Variants in MAML3 observed in about 807,000 individuals in gnomAD.
MAML3 encodes mastermind like transcriptional coactivator 3.
A neutral mutation model predicts 101.9 loss-of-function variants in MAML3; 27 were observed. That is an observed-to-expected ratio of 0.27 (90% CI 0.20 to 0.37). The LOEUF (loss-of-function observed/expected upper bound fraction) is 0.37. Among genes scored for constraint, MAML3 ranks in the 10% least tolerant of loss-of-function variants. The probability of loss-of-function intolerance (pLI) is 1.00; values close to 1 mark genes in which losing one functional copy is unlikely to be tolerated. For missense variants in MAML3, 1,316 were observed against 1,444.9 expected (o/e 0.91, Z 1.45); for synonymous variants, 501 against 555.9 (o/e 0.90, Z 1.39).
chr4:139,934,454 C>A (rs1733466913), intron 1 of MAML3, among the ~76,000 whole-genome samples: 3 of 152,082 alleles, frequency 2.0e-5, no homozygotes, highest in Admixed American at 2.0e-4. Flanking sequence ...GTGCAAAAAA[C>A]AACCCTGACC....
intron 1 of MAML3, among the ~76,000 whole-genome samples, chr4:140,091,537 C>CAAAAAAA (rs570700966): frequency 0.011 from 762 of 70,544 alleles, 27 homozygotes; most frequent in East Asian, 0.019. Context: ...AACAACAAAA[C>CAAAAAAA]AAAAACAAAA....
chr4:139,852,746 T>A (rs1397827955), intron 2 of MAML3, among the ~76,000 whole-genome samples: 1 of 152,170 alleles, frequency 6.6e-6, no homozygotes, highest in East Asian at 1.9e-4. Context: ...CATGGTACTT[T>A]CTATGTTTCT....
intron 1 of MAML3, among the ~76,000 whole-genome samples, chr4:139,925,970 GC>G (rs930461006): frequency 2.0e-5 from 3 of 152,100 alleles, no homozygotes; most frequent in African/African-American, 7.2e-5. Flanking sequence ...AAGGAGGGCA[GC>G]CCACGGTCCT....
intron 1 of MAML3, among the ~76,000 whole-genome samples, chr4:139,919,353 T>C (rs967611769): frequency 2.6e-5 from 4 of 152,252 alleles, no homozygotes; most frequent in African/African-American, 9.6e-5. Context: ...GAGCTAGGAT[T>C]CACTTTTTCT....
intron 1 of MAML3, among the ~76,000 whole-genome samples, chr4:139,925,311 C>T (rs887467836): frequency 6.6e-6 from 1 of 152,146 alleles, no homozygotes; most frequent in South Asian, 2.1e-4. Flanking sequence ...CTCACTGCAA[C>T]CTTTGCCTCC....
chr4:139,879,593 T>C (rs1483734566), intron 2 of MAML3, among the ~76,000 whole-genome samples: 4 of 116,482 alleles, frequency 3.4e-5, no homozygotes, highest in East Asian at 5.1e-4. Flanking sequence ...TGGTAGTGGT[T>C]GGGAGAAAAT....
intron 1 of MAML3, among the ~76,000 whole-genome samples, chr4:140,085,675 G>A (rs757204738): frequency 1.3e-5 from 2 of 152,142 alleles, no homozygotes; most frequent in South Asian, 2.1e-4. Flanking sequence ...AAATACTTCC[G>A]ATTGCTTTTC....
chr4:140,153,448 G>A lies in MAML3; in HGVS notation c.-121C>T. ...AACGCGGGGGAGACGCAAGCACATG[G>A]ATGGAAACGGCGATCCCGACGGGGC... On this transcript the variant is annotated 5_prime_UTR_variant, in exon 1 of 5. Transcript: ENST00000509479. The A allele has an allele frequency of 8.9e-7, 1 of 1,122,176 alleles. No homozygotes were observed. The highest frequency in any genetic ancestry group is 1.2e-6 in the Non-Finnish European group (1 of 866,122). The allele number at this position is 1,122,176 out of a possible 1,614,324, so 69.5% of individuals were successfully genotyped here.
intron 1 of MAML3, among the ~76,000 whole-genome samples, chr4:139,990,477 T>C (rs1734645662): frequency 6.7e-6 from 1 of 150,104 alleles, no homozygotes; most frequent in Non-Finnish European, 1.5e-5. Context: ...AGCATTCCCT[T>C]TGAAAACTGG....
intron 2 of MAML3, among the ~76,000 whole-genome samples, chr4:139,778,982 C>CAAAAAAAAAAAAAAA (rs67782985): frequency 9.9e-6 from 1 of 100,638 alleles, no homozygotes; most frequent in South Asian, 3.5e-4. Context: ...GACTCCACCT[C>CAAAAAAAAAAAAAAA]AAAAAAAAAA....
chr4:139,897,090 T>G (rs891304076), intron 1 of MAML3, among the ~76,000 whole-genome samples: 1 of 152,202 alleles, frequency 6.6e-6, no homozygotes, highest in African/African-American at 2.4e-5. Flanking sequence ...GTCCCTGATT[T>G]TGCACGAAGT....
intron 1 of MAML3, among the ~76,000 whole-genome samples, chr4:140,100,931 G>T (rs1288702320): frequency 1.3e-5 from 2 of 152,094 alleles, no homozygotes; most frequent in Non-Finnish European, 2.9e-5. Context: ...GGGCTTCCCT[G>T]TAAGAAATAT....
At chr4:139,918,202 A>G (rs927154377) in intron 1 of MAML3, among the ~76,000 whole-genome samples, 1 of 152,156 alleles carries the variant, frequency 6.6e-6, no homozygotes, top group Non-Finnish European at 1.5e-5. Flanking sequence ...TCACTGTTGA[A>G]AAACATTCTT....
chr4:140,007,124 A>G lies in MAML3; in HGVS notation c.469-116157T>C, dbSNP rs553650803. Among the ~76,000 whole-genome samples, 2 of 152,372 alleles carry G rather than the reference A, an allele frequency of 1.3e-5. 1 individual carries two copies. Among genetic ancestry groups the G allele is most frequent in the South Asian group, 4.1e-4 (2 of 4,834 alleles). ...AAATATTTATATGAAGAAAACATAC[A>G]AGGATAGCTTATCGGCATTTTTTTA... On this transcript the variant is annotated intron_variant, in intron 1 of 4. Coordinates refer to ENST00000509479, the MANE Select transcript of MAML3 (RefSeq NM_018717.5).
At chr4:140,112,310 G>C (rs906760635) in intron 1 of MAML3, among the ~76,000 whole-genome samples, 16 of 151,890 alleles carry the variant, frequency 1.1e-4, no homozygotes, top group African/African-American at 3.9e-4. Flanking sequence ...AGATATTCAG[G>C]CCCATGTTGT....
intron 1 of MAML3, among the ~76,000 whole-genome samples, chr4:139,910,676 C>T (rs990042784): frequency 1.3e-5 from 2 of 151,550 alleles, no homozygotes; most frequent in African/African-American, 4.9e-5. Flanking sequence ...AATCTTGTTG[C>T]AAGAAGGAAA....
At chr4:139,798,331 A>G (rs1289393155) in intron 2 of MAML3, among the ~76,000 whole-genome samples, 5 of 152,220 alleles carry the variant, frequency 3.3e-5, no homozygotes, top group Non-Finnish European at 7.3e-5. Flanking sequence ...GTTGAATATC[A>G]CCATCTTTAA....
chr4:140,095,781 A>G (rs1728149903), intron 1 of MAML3, among the ~76,000 whole-genome samples: 1 of 152,082 alleles, frequency 6.6e-6, no homozygotes, highest in African/African-American at 2.4e-5. Flanking sequence ...CGCCACAGGA[A>G]GCTTCCTGCT....
chr4:139,865,806 T>C (rs1486440498), intron 2 of MAML3, among the ~76,000 whole-genome samples: 1 of 152,250 alleles, frequency 6.6e-6, no homozygotes, highest in Non-Finnish European at 1.5e-5. Flanking sequence ...CATACATGTC[T>C]ACCACCGCAA....
Sources: gnomAD v4.1 joint callset for allele counts (sites outside exome capture counted in the v4.1 genomes callset) on GRCh38, gnomAD v4.1.1 for gene constraint, MANE v1.5 for transcripts, NCBI Gene and HGNC (gene_info 2026-07-23, HGNC 2026-07-21) for gene names.